Variants in GRIP1 observed in about 807,000 individuals in gnomAD.
The protein encoded by GRIP1 is glutamate receptor interacting protein 1.
GRIP1 carries 45 observed loss-of-function variants against 129.9 expected under a neutral mutation model. The ratio of observed to expected loss-of-function variants is 0.35; its 90% CI spans 0.27 to 0.44. The LOEUF (loss-of-function observed/expected upper bound fraction) is 0.44. GRIP1 is among the 20% of genes least tolerant of loss of function. GRIP1 has a pLI of 1.00. For synonymous variants in GRIP1, 530 were observed against 520.8 expected (o/e 1.02, Z -0.24); for missense variants, 1,196 against 1,396.8 (o/e 0.86, Z 2.29).
At chr12:66,877,891 C>T (rs192610135) in intron 1 of GRIP1, among the ~76,000 whole-genome samples, 11 of 152,066 alleles carry the variant, frequency 7.2e-5, no homozygotes, top group East Asian at 1.9e-4. Flanking sequence ...AGAAGTGATG[C>T]GGAATTAAAA....
At chr12:66,901,193 A>G (rs1229133888) in intron 1 of GRIP1, among the ~76,000 whole-genome samples, 1 of 152,258 alleles carries the variant, frequency 6.6e-6, no homozygotes, top group African/African-American at 2.4e-5. Context: ...CTTTGTTTTG[A>G]AAACAAAAAC....
intron 1 of GRIP1, among the ~76,000 whole-genome samples, chr12:67,040,322 G>T (rs1359885766): frequency 6.6e-6 from 1 of 151,782 alleles, no homozygotes; most frequent in Non-Finnish European, 1.5e-5. Context: ...GAAAGTATCT[G>T]TCTCAAACTC....
chr12:66,596,366 C>A (rs938889093), intron 2 of GRIP1, among the ~76,000 whole-genome samples: 1 of 152,132 alleles, frequency 6.6e-6, no homozygotes, highest in Non-Finnish European at 1.5e-5. Flanking sequence ...TCACACTTTC[C>A]TAAGGAAACA....
At chr12:66,755,181 G>A (rs928872852) in intron 1 of GRIP1, among the ~76,000 whole-genome samples, 7 of 152,042 alleles carry the variant, frequency 4.6e-5, no homozygotes. Context: ...TTTTGACAGT[G>A]GTGCCTGCTA....
At chr12:66,692,234 G>A (rs896869307) in intron 1 of GRIP1, among the ~76,000 whole-genome samples, 5 of 152,172 alleles carry the variant, frequency 3.3e-5, no homozygotes, top group African/African-American at 1.2e-4. Flanking sequence ...GGTTGCAGCT[G>A]CAGATTAAAG....
At chr12:66,475,719 T>G (rs1042370932) in intron 7 of GRIP1, among the ~76,000 whole-genome samples, 1 of 152,206 alleles carries the variant, frequency 6.6e-6, no homozygotes, top group East Asian at 1.9e-4. Context: ...AACTTGCTCC[T>G]GAATGACTAC....
intron 7 of GRIP1, among the ~76,000 whole-genome samples, chr12:66,512,133 T>C (rs1308708488): frequency 6.6e-6 from 1 of 152,142 alleles, no homozygotes; most frequent in African/African-American, 2.4e-5. Flanking sequence ...GACTTGTGGG[T>C]CAATTAAACC....
intron 1 of GRIP1, among the ~76,000 whole-genome samples, chr12:66,636,673 C>T (rs979717843): frequency 6.6e-6 from 1 of 151,472 alleles, no homozygotes; most frequent in Non-Finnish European, 1.5e-5. Context: ...CCTGATCCAA[C>T]AGAGCTGGTG....
At chr12:66,823,927 C>A (rs956215345) in intron 1 of GRIP1, among the ~76,000 whole-genome samples, 9 of 152,174 alleles carry the variant, frequency 5.9e-5, no homozygotes, top group African/African-American at 2.2e-4. Context: ...CATCCTCAAA[C>A]TCTGAAACAG....
intron 1 of GRIP1, among the ~76,000 whole-genome samples, chr12:66,677,489 G>A (rs1308228926): frequency 1.3e-5 from 2 of 152,100 alleles, no homozygotes; most frequent in African/African-American, 2.4e-5. Context: ...AGCCAAAACC[G>A]TAACAGAAAG....
intron 1 of GRIP1, among the ~76,000 whole-genome samples, chr12:66,898,038 GTTTA>G (rs1363059483): frequency 1.2e-4 from 19 of 152,150 alleles, no homozygotes; most frequent in African/African-American, 4.1e-4. Context: ...GGAAAATAAT[GTTTA>G]TTTATCACCT....
At chr12:66,961,684 G>T (rs951271925) in intron 1 of GRIP1, among the ~76,000 whole-genome samples, 1 of 151,692 alleles carries the variant, frequency 6.6e-6, no homozygotes. Flanking sequence ...AAGCTCATTT[G>T]TTCATCAAAT....
chr12:66,565,536 A>G (rs534119468), intron 2 of GRIP1, among the ~76,000 whole-genome samples: 13 of 152,248 alleles, frequency 8.5e-5, no homozygotes, highest in South Asian at 2.1e-4. Context: ...GCCTTGTAGT[A>G]TAGTTTGAAG....
chr12:67,060,812 G>A (rs772468963), intron 1 of GRIP1, among the ~76,000 whole-genome samples: 49 of 113,656 alleles, frequency 4.3e-4, no homozygotes, highest in Non-Finnish European at 4.7e-4. Flanking sequence ...CAACAAGAAC[G>A]AAACTCCGTC....
chr12:66,613,548 C>T (rs2064905306), intron 1 of GRIP1, among the ~76,000 whole-genome samples: 1 of 152,050 alleles, frequency 6.6e-6, no homozygotes, highest in Admixed American at 6.6e-5. Flanking sequence ...CCTTGCTTTA[C>T]ATGATAAATG....
At chr12:66,873,842 T>C (rs993481421) in intron 1 of GRIP1, among the ~76,000 whole-genome samples, 36 of 152,192 alleles carry the variant, frequency 2.4e-4, no homozygotes, top group African/African-American at 8.4e-4. Flanking sequence ...TGAAAGATGG[T>C]GTTGATAATG....
At chr12:66,854,344 G>A (rs1017077655) in intron 1 of GRIP1, among the ~76,000 whole-genome samples, 7 of 150,066 alleles carry the variant, frequency 4.7e-5, no homozygotes, top group Non-Finnish European at 1.0e-4. Flanking sequence ...ATGGTGGTGA[G>A]GGACTAAATT....
intron 1 of GRIP1, among the ~76,000 whole-genome samples, chr12:66,651,259 T>C (rs2032774472): frequency 6.6e-6 from 1 of 152,210 alleles, no homozygotes; most frequent in African/African-American, 2.4e-5. Context: ...TAAATTTACA[T>C]TCCATAGTTG....
intron 1 of GRIP1, among the ~76,000 whole-genome samples, chr12:67,026,533 A>G (rs1411096614): frequency 6.6e-6 from 1 of 152,198 alleles, no homozygotes; most frequent in East Asian, 1.9e-4. Flanking sequence ...GTTACCTAGT[A>G]AGTAATCAAT....
Sources: allele counts gnomAD v4.1 joint callset (sites outside exome capture counted in the v4.1 genomes callset), GRCh38; gene constraint gnomAD v4.1.1; transcripts MANE v1.5; gene names NCBI Gene and HGNC (gene_info 2026-07-23, HGNC 2026-07-21).